SEL1L3: variants seen among roughly 807,000 people sequenced by gnomAD.
SEL1L3 encodes the protein protein sel-1 homolog 3.
In SEL1L3, 76 loss-of-function variants were observed where a neutral mutation model predicts 142.8. The ratio of observed to expected loss-of-function variants is 0.53; its 90% CI spans 0.44 to 0.64. The LOEUF (loss-of-function observed/expected upper bound fraction) is 0.64. Among genes scored for constraint, SEL1L3 ranks in the 30% least tolerant of loss-of-function variants. The pLI is 0.00. For missense variants in SEL1L3, 1,262 were observed against 1,381.7 expected (o/e 0.91, Z 1.37); for synonymous variants, 504 against 519.6 (o/e 0.97, Z 0.41).
rs575113921 is a variant in SEL1L3 at position 25,784,389 on chromosome 4, C to T, written c.2218-99G>A. The T allele has an allele frequency of 4.3e-6, 4 of 937,304 alleles. No homozygotes were observed. The Admixed American group carries it at 8.1e-5, about 19-fold the overall frequency. The allele number at this position is 937,304 out of a possible 1,614,324, so 58.1% of individuals were successfully genotyped here. A position where few individuals can be genotyped will look rare whatever the true frequency, so the allele number is the denominator to read the frequency against. ...GGATATAAAATACTTAAAAATAAAA[C>T]CCTAACTTTCTTCATTTAAACCCAA... is the stretch of plus-strand genomic sequence containing the variant. On this transcript the variant is annotated intron_variant, in intron 13 of 23. Coordinates refer to ENST00000399878, the MANE Select transcript of SEL1L3 (RefSeq NM_015187.5).
chr4:25,754,310 T>C (rs914906393), intron 23 of SEL1L3, among the ~76,000 whole-genome samples: 3 of 149,968 alleles, frequency 2.0e-5, no homozygotes, highest in Non-Finnish European at 4.4e-5. Context: ...CTCAAAAATA[T>C]ATAAAATAAA....
In SEL1L3 at chr4:25,862,741, C is replaced by A; in HGVS notation, c.96G>T (p.Pro32=). The change falls in exon 1 of 24, where the codon CCG becomes CCT. Residue 32 remains proline, a synonymous_variant. Transcript: ENST00000399878. ...CGAGGCCCTGGGGGACGCCGCCACT[C>A]GGGACCATGGCTGCGGCCCGGGGGC... ...AVGPRAAAMV[P]SGGVPQGLGG... is the part of the protein sequence containing the mutation. 17 of 1,256,162 alleles carry A rather than the reference C, an allele frequency of 1.4e-5. No homozygotes were observed. The highest frequency in any genetic ancestry group is 1.7e-5 in the Non-Finnish European group (17 of 1,001,150). 77.8% of individuals were successfully genotyped at this position (1,256,162 alleles called of 1,614,324 possible). A position where few individuals can be genotyped will look rare whatever the true frequency, so the allele number is the denominator to read the frequency against.
chr4:25,794,386 A>G (rs1712564779), intron 11 of SEL1L3, among the ~76,000 whole-genome samples: 1 of 152,256 alleles, frequency 6.6e-6, no homozygotes, highest in South Asian at 2.1e-4. Flanking sequence ...GACACTTCTC[A>G]AAAGAAGACA....
intron 23 of SEL1L3, chr4:25,756,732 C>T (rs1303422469): frequency 9.0e-7 from 1 of 1,111,260 alleles, no homozygotes; most frequent in Non-Finnish European, 1.1e-6. Context: ...AGCTAAATGC[C>T]CACTTTACGA....
chr4:25,852,601 A>G (rs758110198), intron 1 of SEL1L3, among the ~76,000 whole-genome samples: 3 of 152,194 alleles, frequency 2.0e-5, no homozygotes. Context: ...TTCCAAAGCA[A>G]TGCCCCGAAT....
intron 6 of SEL1L3, among the ~76,000 whole-genome samples, chr4:25,828,593 C>T (rs919072957): frequency 7.9e-5 from 12 of 151,992 alleles, no homozygotes; most frequent in African/African-American, 2.7e-4. Flanking sequence ...ACTATGTTGA[C>T]CAGGCTGGTC....
chr4:25,802,868 T>TA (rs1478657727), intron 10 of SEL1L3, among the ~76,000 whole-genome samples: 2 of 152,110 alleles, frequency 1.3e-5, no homozygotes, highest in African/African-American at 2.4e-5. Flanking sequence ...CTTGCCTTTT[T>TA]AAAAAAATAA....
At chr4:25,776,546 C>T in intron 16 of SEL1L3, 186 bp from the exon 17 acceptor site, 1 of 555,920 alleles carries the variant, frequency 1.8e-6, no homozygotes, top group East Asian at 3.0e-5. Flanking sequence ...CATTTAGTGC[C>T]CTTTCTTATG....
intron 9 of SEL1L3, among the ~76,000 whole-genome samples, chr4:25,808,410 T>C (rs1479230563): frequency 6.6e-6 from 1 of 152,224 alleles, no homozygotes; most frequent in Non-Finnish European, 1.5e-5. Context: ...TCACCGTTTG[T>C]GTGCTCATCT....
At position 25,822,068 on chromosome 4, in the gene SEL1L3, C is replaced by A. The variant is rs1162625167; in HGVS notation, c.1218G>T (p.Arg406Ser). Residue 406 changes from arginine to serine, a missense_variant, in exon 7 of 24, where the codon AGG becomes AGT. Arg to Ser is a moderately radical substitution (Grantham distance 110, BLOSUM62 -1). This residue lies in a region of SEL1L3 where 689 missense variants were observed against 692.8 expected (regional missense o/e 0.99). Transcript: ENST00000399878. ...TAGYFIIGGS[R>S]YVAGIEGFFG... ...AAAACCCTTCAATGCCAGCCACATA[C>A]CTGCTCCCTCCAATAATGAAGTACC... 1.9e-6 allele frequency: 3 copies of A among 1,613,946 alleles called. No individual in the cohort carries two copies. The East Asian group carries it at 6.7e-5, about 36-fold the overall frequency.
At chr4:25,716,772 T>A in the SEL1L3 span, among the ~76,000 whole-genome samples, 5,336 of 152,184 alleles carry the variant, frequency 0.035, 282 homozygotes, top group African/African-American at 0.12. Context: ...TCTATGTAAT[T>A]TTTGTGCTAA....
the SEL1L3 span, among the ~76,000 whole-genome samples, chr4:25,737,532 C>T: frequency 1.3e-5 from 2 of 152,154 alleles, no homozygotes; most frequent in Admixed American, 6.6e-5. Flanking sequence ...ATGAACTCAT[C>T]TAACCCTAGG....
chr4:25,749,835 A>C (rs112165889), intron 23 of SEL1L3, among the ~76,000 whole-genome samples: 5 of 152,350 alleles, frequency 3.3e-5, no homozygotes, highest in African/African-American at 1.2e-4. Context: ...TTTAAAAAAC[A>C]GTTTTTACAA....
At chr4:25,750,133 C>T (rs1176385418) in intron 23 of SEL1L3, among the ~76,000 whole-genome samples, 1 of 149,650 alleles carries the variant, frequency 6.7e-6, no homozygotes, top group Non-Finnish European at 1.5e-5. Flanking sequence ...ACTCGGAAGG[C>T]TAAAGCCGGA....
intron 9 of SEL1L3, among the ~76,000 whole-genome samples, chr4:25,813,494 T>C (rs1714167918): frequency 6.6e-6 from 1 of 152,158 alleles, no homozygotes; most frequent in South Asian, 2.1e-4. Flanking sequence ...GTATTAGATA[T>C]GAGGTATCTA....
chr4:25,822,287 G>T (rs1278371194), intron 6 of SEL1L3, among the ~76,000 whole-genome samples, 159 bp from the exon 7 acceptor site: 1 of 152,072 alleles, frequency 6.6e-6, no homozygotes, highest in South Asian at 2.1e-4. Flanking sequence ...GGTGGACTTC[G>T]GCTAGGATCC....
the SEL1L3 span, among the ~76,000 whole-genome samples, chr4:25,716,683 G>T: frequency 6.6e-6 from 1 of 152,116 alleles, no homozygotes; most frequent in Non-Finnish European, 1.5e-5. Flanking sequence ...AGAATAAAGT[G>T]TAAACACGTA....
intron 2 of SEL1L3, among the ~76,000 whole-genome samples, chr4:25,840,044 C>T (rs377592287): frequency 2.6e-5 from 4 of 152,166 alleles, no homozygotes; most frequent in Admixed American, 6.5e-5. Context: ...TTCAGAGAGG[C>T]GGCATAGCAA....
chr4:25,776,555 T>C, intron 16 of SEL1L3, 195 bp from the exon 17 acceptor site: 1 of 550,010 alleles, frequency 1.8e-6, no homozygotes, highest in East Asian at 3.0e-5. Context: ...CCCTTTCTTA[T>C]GAATGATTAG....
Sources: gnomAD v4.1 joint callset for allele counts (sites outside exome capture counted in the v4.1 genomes callset) on GRCh38, gnomAD v4.1.1 for gene constraint, gnomAD v4.1.1 regional missense constraint, MANE v1.5 for transcripts, NCBI Gene and HGNC (gene_info 2026-07-23, HGNC 2026-07-21) for gene names.